Variants in FNDC3B observed in about 807,000 individuals in gnomAD.
The protein encoded by FNDC3B is fibronectin type III domain-containing protein 3B.
A neutral mutation model predicts 151.5 loss-of-function variants in FNDC3B; 12 were observed. The ratio of observed to expected loss-of-function variants is 0.08; its 90% CI spans 0.05 to 0.13. FNDC3B has a LOEUF of 0.13. FNDC3B is among the 10% of genes least tolerant of loss of function. The probability of loss-of-function intolerance (pLI) is 1.00; values close to 1 mark genes in which losing one functional copy is unlikely to be tolerated. For missense variants in FNDC3B, 1,214 were observed against 1,505.3 expected (o/e 0.81, Z 3.20); for synonymous variants, 528 against 549.0 (o/e 0.96, Z 0.54).
chr3:172,393,867 G>A (rs778773173), intron 25 of FNDC3B, among the ~76,000 whole-genome samples: 12 of 152,056 alleles, frequency 7.9e-5, no homozygotes, highest in Non-Finnish European at 1.6e-4. Flanking sequence ...CCAGCACTTT[G>A]GGAGGCTGAG....
intron 3 of FNDC3B, among the ~76,000 whole-genome samples, chr3:172,207,171 T>C (rs148283512): frequency 3.3e-5 from 5 of 152,240 alleles, no homozygotes; most frequent in African/African-American, 1.2e-4. Flanking sequence ...TTTTCAACAG[T>C]CTTTTCTGCT....
At chr3:172,167,342 G>A (rs62283839) in intron 3 of FNDC3B, among the ~76,000 whole-genome samples, 15,955 of 152,228 alleles carry the variant, frequency 0.1, 892 homozygotes, top group Non-Finnish European at 0.12. Flanking sequence ...GTTGCAGTGA[G>A]CCAAGACGGC....
chr3:172,389,683 G>C (rs1455187090), intron 25 of FNDC3B, among the ~76,000 whole-genome samples: 1 of 152,060 alleles, frequency 6.6e-6, no homozygotes, highest in East Asian at 1.9e-4. Context: ...GGCTAACACA[G>C]TGAAACCCTG....
intron 3 of FNDC3B, among the ~76,000 whole-genome samples, chr3:172,170,696 G>T (rs548683858): frequency 6.6e-6 from 1 of 152,152 alleles, no homozygotes; most frequent in East Asian, 1.9e-4. Context: ...ATATTGTTTC[G>T]ACTCCTTTTG....
chr3:172,299,511 T>C (rs1197443883), intron 9 of FNDC3B, among the ~76,000 whole-genome samples: 1 of 152,216 alleles, frequency 6.6e-6, no homozygotes, highest in Non-Finnish European at 1.5e-5. Flanking sequence ...GGTCTGAATA[T>C]GACCCATAAC....
chr3:172,338,882 G>A (rs1433562562), intron 16 of FNDC3B, among the ~76,000 whole-genome samples: 2 of 151,976 alleles, frequency 1.3e-5, no homozygotes, highest in African/African-American at 2.4e-5. Flanking sequence ...GACTACAGAC[G>A]CCCACCACTA....
chr3:172,232,157 A>G (rs1290989093), intron 4 of FNDC3B, among the ~76,000 whole-genome samples: 1 of 152,158 alleles, frequency 6.6e-6, no homozygotes, highest in Non-Finnish European at 1.5e-5. Flanking sequence ...CTGGGATTAC[A>G]GGTGTGAGCC....
chr3:172,388,991 G>C (rs369531435), intron 25 of FNDC3B, among the ~76,000 whole-genome samples: 2 of 152,164 alleles, frequency 1.3e-5, no homozygotes, highest in African/African-American at 4.8e-5. Context: ...TTTCATGTAG[G>C]GGGCGGGGGA....
intron 3 of FNDC3B, among the ~76,000 whole-genome samples, chr3:172,192,182 T>TG (rs952832410): frequency 1.3e-5 from 2 of 149,628 alleles, no homozygotes; most frequent in Non-Finnish European, 3.0e-5. Context: ...TTTTGTTTTT[T>TG]TTTTTTTTGA....
intron 1 of FNDC3B, among the ~76,000 whole-genome samples, chr3:172,078,057 T>G (rs1718102216): frequency 6.6e-6 from 1 of 152,154 alleles, no homozygotes; most frequent in South Asian, 2.1e-4. Flanking sequence ...CTCTGCTCAC[T>G]GCAACCTCCA....
At chr3:172,372,185 A>G (rs1576955213) in intron 23 of FNDC3B, among the ~76,000 whole-genome samples, 2 of 152,276 alleles carry the variant, frequency 1.3e-5, no homozygotes, top group South Asian at 4.1e-4. Context: ...TGTTGTATCC[A>G]AACTCCCTGC....
At chr3:172,254,620 A>G (rs1052269096) in intron 6 of FNDC3B, among the ~76,000 whole-genome samples, 2 of 152,138 alleles carry the variant, frequency 1.3e-5, no homozygotes, top group African/African-American at 4.8e-5. Context: ...ACACAAAGCT[A>G]TTGTACCATT....
chr3:172,092,408 T>TTTTCCGTTAG (rs1718883776), intron 1 of FNDC3B, among the ~76,000 whole-genome samples: 1 of 152,206 alleles, frequency 6.6e-6, no homozygotes, highest in Non-Finnish European at 1.5e-5. Flanking sequence ...CCCCACACAT[T>TTTTCCGTTAG]ATTAAGTGGG....
chr3:172,362,898 A>C, intron 23 of FNDC3B, 53 bp downstream of exon 23: 1 of 1,369,212 alleles, frequency 7.3e-7, no homozygotes, highest in South Asian at 1.2e-5. Context: ...GGCTTGTGGG[A>C]TGAAATCTCA....
chr3:172,223,160 T>C (rs1726375855), intron 3 of FNDC3B, among the ~76,000 whole-genome samples: 2 of 152,216 alleles, frequency 1.3e-5, no homozygotes, highest in African/African-American at 4.8e-5. Context: ...TTGGGCATTC[T>C]CAAACACAGT....
chr3:172,077,724 T>C (rs4894798), intron 1 of FNDC3B, among the ~76,000 whole-genome samples: 80,660 of 150,738 alleles, frequency 0.54, 21,919 homozygotes, highest in Admixed American at 0.6. Context: ...TTTGACTTTT[T>C]CCCCCCCAAA....
At chr3:172,281,231 T>TTATC (rs1316317935) in intron 6 of FNDC3B, among the ~76,000 whole-genome samples, 1 of 118,986 alleles carries the variant, frequency 8.4e-6, no homozygotes, top group Non-Finnish European at 1.8e-5. Context: ...ATTTATTTAT[T>TTATC]TATTTATTTA....
intron 2 of FNDC3B, among the ~76,000 whole-genome samples, chr3:172,119,284 C>A (rs1453792208): frequency 2.0e-5 from 3 of 149,430 alleles, no homozygotes; most frequent in African/African-American, 4.9e-5. Context: ...GTCTTATATG[C>A]TGGCAGTGTA....
At chr3:172,098,579 T>C (rs1347354272) in intron 1 of FNDC3B, among the ~76,000 whole-genome samples, 4 of 152,210 alleles carry the variant, frequency 2.6e-5, no homozygotes, top group Non-Finnish European at 5.9e-5. Context: ...TCAGTTGGCT[T>C]TGAAAAAGCA....
Sources: allele counts gnomAD v4.1 joint callset (sites outside exome capture counted in the v4.1 genomes callset), GRCh38; gene constraint gnomAD v4.1.1; transcripts MANE v1.5; gene names NCBI Gene and HGNC (gene_info 2026-07-23, HGNC 2026-07-21).